The following ADAM17 variants were observed in gnomAD, a reference collection of about 807,000 sequenced individuals.
ADAM17 encodes disintegrin and metalloproteinase domain-containing protein 17.
A neutral mutation model predicts 96.7 loss-of-function variants in ADAM17; 39 were observed. The ratio of observed to expected loss-of-function variants is 0.40; its 90% CI spans 0.31 to 0.53. ADAM17 has a LOEUF of 0.53. ADAM17 is among the 20% of genes least tolerant of loss of function. ADAM17 has a pLI of 0.44. For synonymous variants in ADAM17, 344 were observed against 359.2 expected (o/e 0.96, Z 0.48); for missense variants, 777 against 1,013.2 (o/e 0.77, Z 3.17).
At position 9,493,758 on chromosome 2, in the gene ADAM17, A is replaced by G. The variant is rs1662344551; in HGVS notation, c.1982T>C (p.Ile661Thr). 4.3e-6 allele frequency: 7 copies of G among 1,613,754 alleles called. No individual in the cohort carries two copies. The highest frequency in any genetic ancestry group is 4.2e-6 in the Non-Finnish European group (5 of 1,179,806). The change falls in exon 16 of 19, where the codon ATC becomes ACC. Residue 661 changes from isoleucine to threonine, a missense_variant. Ile to Thr is a moderately conservative substitution (Grantham distance 89). Transcript: ENST00000310823. ...RFWDFIDQLS[I>T]NTFGKFLADN... is the part of the protein sequence containing the mutation. ...GGGAAATCACCTACCAAAAGTATTG[A>G]TGCTCAGCTGGTCAATGAAATCCCA...
chr2:9,502,400 A>G (rs1663058503), intron 12 of ADAM17, 124 bp from the exon 13 acceptor site: 4 of 746,902 alleles, frequency 5.4e-6, no homozygotes, highest in Middle Eastern at 3.8e-4. Flanking sequence ...TCCGTCACCC[A>G]CTCCTACATC....
intron 14 of ADAM17, among the ~76,000 whole-genome samples, chr2:9,495,711 CAAA>C (rs367778507): frequency 1.4e-5 from 2 of 140,428 alleles, no homozygotes; most frequent in Non-Finnish European, 3.1e-5. Context: ...GACTCCATCT[CAAA>C]AAAAAAAAAA....
At chr2:9,538,362 T>C (rs568716180) in intron 2 of ADAM17, among the ~76,000 whole-genome samples, 1 of 152,308 alleles carries the variant, frequency 6.6e-6, no homozygotes, top group South Asian at 2.1e-4. Context: ...GCAACAAATA[T>C]TTTTAACTTT....
At chr2:9,503,697 G>A (rs1005237249) in intron 12 of ADAM17, among the ~76,000 whole-genome samples, 2 of 152,084 alleles carry the variant, frequency 1.3e-5, no homozygotes, top group Admixed American at 6.5e-5. Context: ...AAATTAGCTG[G>A]GCGTGGTGGT....
chr2:9,495,264 C>T (rs1031716537), intron 14 of ADAM17, among the ~76,000 whole-genome samples: 1 of 152,250 alleles, frequency 6.6e-6, no homozygotes, highest in African/African-American at 2.4e-5. Context: ...CTCCACAACT[C>T]CTCCCAAGAA....
chr2:9,515,735 C>CAAAAAAA (rs56888068), intron 10 of ADAM17, among the ~76,000 whole-genome samples: 2 of 118,092 alleles, frequency 1.7e-5, no homozygotes, highest in Non-Finnish European at 3.5e-5. Context: ...ACTCCGTCTC[C>CAAAAAAA]AAAAAAAAAA....
intron 7 of ADAM17, chr2:9,522,322 G>A (rs1255171324): frequency 5.8e-6 from 3 of 515,810 alleles, no homozygotes; most frequent in African/African-American, 1.9e-5. Context: ...AGATACATAT[G>A]AAACTAGTGA....
At chr2:9,535,778 G>T in intron 4 of ADAM17, 56 bp downstream of exon 4, 1 of 1,196,600 alleles carries the variant, frequency 8.4e-7, no homozygotes, top group Non-Finnish European at 1.2e-6. Flanking sequence ...GAACTGAGCA[G>T]CTTTTTGAAA....
At chr2:9,533,341 G>A (rs907040774) in intron 4 of ADAM17, among the ~76,000 whole-genome samples, 5 of 152,138 alleles carry the variant, frequency 3.3e-5, no homozygotes, top group Admixed American at 6.6e-5. Context: ...GAGGTCAGGA[G>A]ATCGAGACCA....
At chr2:9,552,824 GT>G (rs1665625064) in intron 1 of ADAM17, among the ~76,000 whole-genome samples, 1 of 152,060 alleles carries the variant, frequency 6.6e-6, no homozygotes, top group Admixed American at 6.6e-5. Flanking sequence ...ATCATTTTTG[GT>G]GACCCATAGA....
intron 4 of ADAM17, among the ~76,000 whole-genome samples, chr2:9,528,308 T>C (rs1664608010): frequency 6.6e-6 from 1 of 152,204 alleles, no homozygotes; most frequent in African/African-American, 2.4e-5. Context: ...GGCACTGTTA[T>C]AGGTGATGGT....
At chr2:9,515,048 T>C (rs1379972430) in intron 10 of ADAM17, among the ~76,000 whole-genome samples, 1 of 152,166 alleles carries the variant, frequency 6.6e-6, no homozygotes, top group East Asian at 1.9e-4. Flanking sequence ...GTCCACAGTT[T>C]ATGTTAGGGT....
At position 9,490,256 on chromosome 2, in the gene ADAM17, G is replaced by A. The variant is rs747645870; in HGVS notation, c.2396C>T (p.Pro799Leu). The part of the protein sequence containing the change: ...AKSFEDLTDH[P>L]VTRSEKAASF... ...GGCAGCCTTTTCACTTCTGGTGACC[G>A]GATGGTCCGTGAGATCCTCAAATGA... The change falls in exon 19 of 19, where the codon CCG becomes CTG. Residue 799 changes from proline to leucine, a missense_variant. Transcript: ENST00000310823. 67 of 1,612,606 alleles carry A rather than the reference G, an allele frequency of 4.2e-5. No individual in the cohort carries two copies. Among genetic ancestry groups the A allele is most frequent in the East Asian group, 2.9e-4 (13 of 44,856 alleles).
rs1257336269 is a variant in ADAM17 at position 9,517,981 on chromosome 2, T to G, written c.1111A>C (p.Ser371Arg). 6.3e-7 allele frequency: 1 copy of G among 1,598,772 alleles called. No homozygotes were observed. The highest frequency in any genetic ancestry group is 8.5e-7 in the Non-Finnish European group (1 of 1,175,332). The change falls in exon 10 of 19, where the codon AGC (serine) becomes CGC (arginine). Residue 371 changes from serine (S) to arginine (R), a missense_variant. Physicochemically the swap from Ser to Arg is moderately radical, Grantham distance 110 (BLOSUM62 -1). Around this residue, in one of 3 missense-constraint regions of ADAM17, gnomAD observed 446 missense variants for 664.7 expected, o/e 0.67. Transcript: ENST00000310823. ...TAGATATTTTTCTTCCCAACTGGGCTATAATAAGCTAAAGTCAAAAGGAAA... is the reference window on the plus strand; with the variant it reads ...TAGATATTTTTCTTCCCAACTGGGCGATAATAAGCTAAAGTCAAAAGGAAA... ...HGGVCPKAYY[S>R]PVGKKNIYLN...
chr2:9,509,903 G>A (rs868173906), intron 11 of ADAM17, 76 bp downstream of exon 11: 24 of 1,546,896 alleles, frequency 1.6e-5, no homozygotes, highest in Middle Eastern at 3.4e-4. Flanking sequence ...AATGGAATAC[G>A]TTTCTGAGCT....
At chr2:9,518,281 A>G in intron 8 of ADAM17, 34 bp from the exon 9 acceptor site, 4 of 1,412,226 alleles carry the variant, frequency 2.8e-6, no homozygotes, top group Non-Finnish European at 3.8e-6. Context: ...AAAAAAAAAA[A>G]GCATTCTTAG....
At chr2:9,534,530 G>A (rs1473704104) in intron 4 of ADAM17, among the ~76,000 whole-genome samples, 4 of 151,946 alleles carry the variant, frequency 2.6e-5, no homozygotes, top group Non-Finnish European at 4.4e-5. Context: ...GCAAGACTCC[G>A]TCTCAAAAAA....
At position 9,489,140 on chromosome 2, in the gene ADAM17, C is replaced by A. The variant is rs1661851287; in HGVS notation, c.*1037G>T. 1 of 137,356 alleles carries A rather than the reference C, an allele frequency of 7.3e-6. No individual in the cohort carries two copies. The highest frequency in any genetic ancestry group is 2.3e-4 in the South Asian group (1 of 4,298). 8.5% of individuals were successfully genotyped at this position (137,356 alleles called of 1,614,324 possible). On this transcript the variant is annotated 3_prime_UTR_variant, in exon 19 of 19. Coordinates refer to ENST00000310823, the MANE Select transcript of ADAM17 (RefSeq NM_003183.6). ...TATCTCCTGGCTGGCTCATCACATT[C>A]AAAACAACCTGTTTTTTTTGTTGTT...
intron 13 of ADAM17, among the ~76,000 whole-genome samples, chr2:9,499,802 C>T (rs1662892704): frequency 6.6e-6 from 1 of 152,182 alleles, no homozygotes; most frequent in East Asian, 1.9e-4. Flanking sequence ...AAACCAAAAT[C>T]AAGCCAAAAT....
Sources: gnomAD v4.1 joint callset for allele counts (sites outside exome capture counted in the v4.1 genomes callset) on GRCh38, gnomAD v4.1.1 for gene constraint, gnomAD v4.1.1 regional missense constraint, MANE v1.5 for transcripts, NCBI Gene and HGNC (gene_info 2026-07-23, HGNC 2026-07-21) for gene names.